PCDH15: variants seen among roughly 807,000 people sequenced by gnomAD.
PCDH15 encodes the protein protocadherin-15.
Under a neutral mutation model 178.5 loss-of-function variants are expected in PCDH15, and 129 were observed. The observed-to-expected ratio is 0.72, with a 90% CI of 0.63 to 0.84. The LOEUF (loss-of-function observed/expected upper bound fraction) is 0.84. PCDH15 is among the 40% of genes least tolerant of loss of function. The pLI, the probability that PCDH15 is intolerant of heterozygous loss-of-function variation, is 0.00. For synonymous variants in PCDH15, 800 were observed against 732.0 expected (o/e 1.09, Z -1.50); for missense variants, 2,230 against 2,099.9 (o/e 1.06, Z -1.21).
intron 2 of PCDH15, among the ~76,000 whole-genome samples, chr10:55,617,718 C>T (rs1843507796): frequency 6.6e-6 from 1 of 152,006 alleles, no homozygotes; most frequent in Non-Finnish European, 1.5e-5. Context: ...AATTATCTGT[C>T]TGAAAATGAT....
chr10:54,023,993 T>C (rs1386788521), intron 18 of PCDH15, among the ~76,000 whole-genome samples: 1 of 152,044 alleles, frequency 6.6e-6, no homozygotes, highest in Non-Finnish European at 1.5e-5. Flanking sequence ...AAAACTACAG[T>C]AACTGTAATG....
At chr10:53,923,386 G>A (rs2246660) in intron 25 of PCDH15, among the ~76,000 whole-genome samples, 6 of 152,242 alleles carry the variant, frequency 3.9e-5, no homozygotes, top group South Asian at 2.1e-4. Context: ...AACTGACTAC[G>A]AGACTTGTGT....
At chr10:54,697,972 A>T (rs2095258489) in intron 1 of PCDH15, among the ~76,000 whole-genome samples, 1 of 84,228 alleles carries the variant, frequency 1.2e-5, no homozygotes. Flanking sequence ...TGGTAGAGAG[A>T]CTCCTAAATC....
rs2076387345 is a variant in PCDH15 at position 53,822,825 on chromosome 10, G to A, written c.4368-2595C>T. ...ACCTTGCCTTATTTCCTCTTTCTCT[G>A]TCAAATTTGCCTCTTCAGTTGTAAG... On this transcript the variant is annotated intron_variant, in intron 32 of 37. Transcript: ENST00000644397. 6.2e-7 allele frequency: 1 copy of A among 1,613,908 alleles called. No individual in the cohort carries two copies. The highest frequency in any genetic ancestry group is 1.3e-5 in the African/African-American group (1 of 74,896).
chr10:54,930,850 A>G (rs1837754214), intron 2 of PCDH15, among the ~76,000 whole-genome samples: 1 of 152,178 alleles, frequency 6.6e-6, no homozygotes, highest in Non-Finnish European at 1.5e-5. Flanking sequence ...ATAACATGAA[A>G]AATTTAATAA....
At chr10:55,207,276 A>T (rs2132165987) in intron 1 of PCDH15, among the ~76,000 whole-genome samples, 1 of 152,228 alleles carries the variant, frequency 6.6e-6, no homozygotes, top group Non-Finnish European at 1.5e-5. Flanking sequence ...ATATGTTGAG[A>T]CACATACAAT....
intron 2 of PCDH15, among the ~76,000 whole-genome samples, chr10:54,561,563 A>C (rs2088163705): frequency 6.6e-6 from 1 of 152,108 alleles, no homozygotes; most frequent in African/African-American, 2.4e-5. Context: ...ACCAATCAGC[A>C]GTGGTGATAA....
intron 2 of PCDH15, among the ~76,000 whole-genome samples, chr10:54,981,366 T>A (rs1051990354): frequency 1.3e-5 from 2 of 152,166 alleles, no homozygotes; most frequent in African/African-American, 4.8e-5. Flanking sequence ...CTCACTACCC[T>A]ACTCCCTGGA....
intron 1 of PCDH15, among the ~76,000 whole-genome samples, chr10:55,294,608 C>T (rs1427679388): frequency 6.6e-6 from 1 of 152,140 alleles, no homozygotes; most frequent in Non-Finnish European, 1.5e-5. Context: ...ATATGTTCTG[C>T]TCATTAAATG....
chr10:54,024,305 A>G (rs1317783821), intron 18 of PCDH15, among the ~76,000 whole-genome samples: 1 of 152,174 alleles, frequency 6.6e-6, no homozygotes, highest in African/African-American at 2.4e-5. Flanking sequence ...AAAATATTAT[A>G]TAATTATGCC....
intron 8 of PCDH15, among the ~76,000 whole-genome samples, chr10:54,282,008 G>A (rs2058731720): frequency 6.6e-6 from 1 of 152,012 alleles, no homozygotes; most frequent in African/African-American, 2.4e-5. Context: ...TTTAATTTCT[G>A]GAGCCAGACA....
chr10:54,255,710 G>GT (rs1157790077), intron 8 of PCDH15, among the ~76,000 whole-genome samples: 1 of 152,026 alleles, frequency 6.6e-6, no homozygotes, highest in African/African-American at 2.4e-5. Context: ...CAAGTGTGTA[G>GT]TATCATGTCT....
At chr10:55,311,728 G>T (rs142183207) in intron 1 of PCDH15, among the ~76,000 whole-genome samples, 2 of 152,132 alleles carry the variant, frequency 1.3e-5, no homozygotes, top group Non-Finnish European at 2.9e-5. Context: ...CTTCTTTGCG[G>T]CTAAAGGATG....
intron 2 of PCDH15, among the ~76,000 whole-genome samples, chr10:55,608,313 GA>G (rs1486654515): frequency 6.6e-6 from 1 of 150,944 alleles, no homozygotes; most frequent in Non-Finnish European, 1.5e-5. Flanking sequence ...GAGGGAAGGG[GA>G]GGGGGAAGAG....
intron 2 of PCDH15, among the ~76,000 whole-genome samples, chr10:54,638,420 G>A (rs566405186): frequency 2.0e-4 from 30 of 152,040 alleles, no homozygotes; most frequent in African/African-American, 6.5e-4. Flanking sequence ...TATCCCTTCA[G>A]AAATCTCCCA....
intron 1 of PCDH15, among the ~76,000 whole-genome samples, chr10:55,296,372 T>C (rs1163132805): frequency 1.3e-5 from 2 of 152,170 alleles, no homozygotes; most frequent in Non-Finnish European, 2.9e-5. Flanking sequence ...ATGGTTGCTT[T>C]CTCTGTCAAT....
chr10:54,294,450 A>G (rs1489821275), intron 8 of PCDH15, among the ~76,000 whole-genome samples: 1 of 152,170 alleles, frequency 6.6e-6, no homozygotes, highest in Non-Finnish European at 1.5e-5. Flanking sequence ...GTACCCTAGA[A>G]CTTAAAGTAT....
chr10:55,047,727 CA>C (rs978908720), intron 2 of PCDH15, among the ~76,000 whole-genome samples: 5 of 151,560 alleles, frequency 3.3e-5, no homozygotes, highest in African/African-American at 7.2e-5. Flanking sequence ...CCCTACTTTC[CA>C]AAAAAATAAA....
chr10:54,117,471 T>A (rs1288009767), intron 15 of PCDH15, among the ~76,000 whole-genome samples: 1 of 152,150 alleles, frequency 6.6e-6, no homozygotes, highest in African/African-American at 2.4e-5. Context: ...CTTCCTGTTG[T>A]CTGCATTGTG....
Sources: allele counts gnomAD v4.1 joint callset (sites outside exome capture counted in the v4.1 genomes callset), GRCh38; gene constraint gnomAD v4.1.1; transcripts MANE v1.5; gene names NCBI Gene and HGNC (gene_info 2026-07-23, HGNC 2026-07-21).